The following MAF variants were observed in gnomAD, a reference collection of about 807,000 sequenced individuals.
MAF encodes transcription factor Maf.
Under a neutral mutation model 22.0 loss-of-function variants are expected in MAF, and 10 were observed. The observed-to-expected ratio is 0.45, with a 90% CI of 0.28 to 0.77. The LOEUF (loss-of-function observed/expected upper bound fraction) is 0.77. MAF is among the 30% of genes least tolerant of loss of function. The pLI is 0.12. For synonymous variants in MAF, 337 were observed against 255.8 expected (o/e 1.32, Z -3.03); for missense variants, 544 against 548.4 (o/e 0.99, Z 0.08).
chr16:79,522,528 C>T, the MAF span, among the ~76,000 whole-genome samples: 66,827 of 152,066 alleles, frequency 0.44, 14,908 homozygotes, highest in South Asian at 0.53. Flanking sequence ...ATCCTGTAGC[C>T]GGCACAGGGT....
chr16:79,371,247 C>T, the MAF span, among the ~76,000 whole-genome samples: 1 of 152,062 alleles, frequency 6.6e-6, no homozygotes, highest in Non-Finnish European at 1.5e-5. Context: ...TACACAGAGG[C>T]TCCCAGAGTA....
At chr16:79,391,051 C>T in the MAF span, among the ~76,000 whole-genome samples, 5 of 152,186 alleles carry the variant, frequency 3.3e-5, no homozygotes, top group African/African-American at 1.2e-4. Context: ...TGCCTCTCCA[C>T]CACTTGCTGT....
chr16:79,330,191 C>T, the MAF span, among the ~76,000 whole-genome samples: 1 of 152,138 alleles, frequency 6.6e-6, no homozygotes, highest in Non-Finnish European at 1.5e-5. Flanking sequence ...CGCCTGCAAT[C>T]CAATTTTATG....
At chr16:79,537,839 G>A in the MAF span, among the ~76,000 whole-genome samples, 1 of 152,184 alleles carries the variant, frequency 6.6e-6, no homozygotes, top group South Asian at 2.1e-4. Flanking sequence ...GACAGTCGCC[G>A]TTGATTGAGC....
intron 1 of MAF, chr16:79,586,014 C>T: frequency 1.6e-6 from 1 of 621,088 alleles, no homozygotes; most frequent in South Asian, 1.9e-5. Flanking sequence ...GAACAGTATG[C>T]TACAGGCAGC....
At chr16:79,466,026 G>C in the MAF span, among the ~76,000 whole-genome samples, 2 of 152,230 alleles carry the variant, frequency 1.3e-5, no homozygotes, top group South Asian at 4.2e-4. Context: ...ATGAATGAAT[G>C]AGTGACTCTG....
chr16:79,585,688 G>T (rs146286039), downstream of MAF, among the ~76,000 whole-genome samples: 142 of 152,190 alleles, frequency 9.3e-4, no homozygotes, highest in African/African-American at 3.3e-3. Flanking sequence ...CCTCCTCTTT[G>T]GCACCTAGTG....
the MAF span, among the ~76,000 whole-genome samples, chr16:79,457,684 A>ACAGAAT: frequency 6.6e-6 from 1 of 152,156 alleles, no homozygotes; most frequent in African/African-American, 2.4e-5. Flanking sequence ...AAGACATGTT[A>ACAGAAT]CAGAATCAGT....
At chr16:79,302,482 T>C in the MAF span, among the ~76,000 whole-genome samples, 1 of 152,342 alleles carries the variant, frequency 6.6e-6, no homozygotes, top group East Asian at 1.9e-4. Context: ...CCTTAATCAG[T>C]GAAGCTCCAA....
At chr16:79,493,132 G>GC in the MAF span, among the ~76,000 whole-genome samples, 1 of 140,784 alleles carries the variant, frequency 7.1e-6, no homozygotes, top group Admixed American at 6.8e-5. Context: ...TAATCTTTCT[G>GC]TTTTTTTTTT....
the MAF span, among the ~76,000 whole-genome samples, chr16:79,525,340 A>G: frequency 6.6e-6 from 1 of 152,172 alleles, no homozygotes; most frequent in South Asian, 2.1e-4. Context: ...CTGACTTGGC[A>G]AGACAACAGA....
chr16:79,420,249 C>A, the MAF span, among the ~76,000 whole-genome samples: 1 of 152,118 alleles, frequency 6.6e-6, no homozygotes, highest in Non-Finnish European at 1.5e-5. Flanking sequence ...TCTTGTATGG[C>A]GAACAAAATG....
At chr16:79,533,853 C>A in the MAF span, among the ~76,000 whole-genome samples, 1 of 152,162 alleles carries the variant, frequency 6.6e-6, no homozygotes, top group African/African-American at 2.4e-5. Context: ...CATTCTCCCT[C>A]CTCTGTTGCC....
downstream of MAF, among the ~76,000 whole-genome samples, chr16:79,580,973 G>T (rs1030630767): frequency 9.9e-5 from 15 of 152,124 alleles, no homozygotes; most frequent in Admixed American, 7.9e-4. Flanking sequence ...GGGTCAAATA[G>T]GTCAACACGG....
chr16:79,475,924 T>C, the MAF span, among the ~76,000 whole-genome samples: 1 of 152,156 alleles, frequency 6.6e-6, no homozygotes, highest in Non-Finnish European at 1.5e-5. Context: ...TATGATGGGA[T>C]ATTATTCCTG....
the MAF span, among the ~76,000 whole-genome samples, chr16:79,436,373 G>T: frequency 6.6e-6 from 1 of 152,160 alleles, no homozygotes; most frequent in Admixed American, 6.5e-5. Flanking sequence ...GTGAGCCACC[G>T]CGTCTGGCTG....
chr16:79,369,295 G>C, the MAF span, among the ~76,000 whole-genome samples: 1 of 152,286 alleles, frequency 6.6e-6, no homozygotes, highest in East Asian at 1.9e-4. Flanking sequence ...GAACAACACA[G>C]ACGGGATCCC....
chr16:79,340,091 T>C, the MAF span, among the ~76,000 whole-genome samples: 34 of 152,240 alleles, frequency 2.2e-4, no homozygotes, highest in African/African-American at 7.9e-4. Context: ...ACCAAATTAC[T>C]ACGGGGAACT....
the MAF span, among the ~76,000 whole-genome samples, chr16:79,393,600 C>T: frequency 3.3e-5 from 5 of 152,086 alleles, no homozygotes; most frequent in African/African-American, 1.2e-4. Flanking sequence ...CAGCTCCAGC[C>T]CCTGGGTGCA....
Sources: gnomAD v4.1 joint callset for allele counts (sites outside exome capture counted in the v4.1 genomes callset) on GRCh38, gnomAD v4.1.1 for gene constraint, MANE v1.5 for transcripts, NCBI Gene and HGNC (gene_info 2026-07-23, HGNC 2026-07-21) for gene names.